The following TRIM44 variants were observed in gnomAD, a reference collection of about 807,000 sequenced individuals.
The protein encoded by TRIM44 is tripartite motif-containing protein 44.
A neutral mutation model predicts 37.4 loss-of-function variants in TRIM44; 13 were observed. That is an observed-to-expected ratio of 0.35 (90% confidence interval 0.23 to 0.55). The LOEUF (loss-of-function observed/expected upper bound fraction) is 0.55. Among genes scored for constraint, TRIM44 ranks in the 20% least tolerant of loss-of-function variants. The probability of loss-of-function intolerance (pLI) is 0.89; values close to 1 mark genes in which losing one functional copy is unlikely to be tolerated. For synonymous variants in TRIM44, 175 were observed against 157.2 expected, an observed-to-expected ratio of 1.11 and a Z score of -0.85; for missense variants, 426 against 437.2, an observed-to-expected ratio of 0.97 and a Z score of 0.23.
intron 4 of TRIM44, among the ~76,000 whole-genome samples, chr11:35,768,175 G>C (rs1249134547): frequency 6.6e-6 from 1 of 152,152 alleles, no homozygotes; most frequent in Non-Finnish European, 1.5e-5. Flanking sequence ...GTTTAACTTG[G>C]ATTCAAACTT....
chr11:35,686,833 T>C (rs1178655500), intron 2 of TRIM44, among the ~76,000 whole-genome samples: 2 of 152,178 alleles, frequency 1.3e-5, no homozygotes, highest in Admixed American at 6.5e-5. Context: ...GCTGGGATTA[T>C]GGGCGTGAGC....
At chr11:35,738,903 A>G (rs1178864689) in intron 4 of TRIM44, among the ~76,000 whole-genome samples, 1 of 152,206 alleles carries the variant, frequency 6.6e-6, no homozygotes, top group East Asian at 1.9e-4. Context: ...CTGCCTACAT[A>G]GAAGTTCAAA....
chr11:35,728,484 G>A (rs749320538), intron 3 of TRIM44, among the ~76,000 whole-genome samples: 8 of 152,168 alleles, frequency 5.3e-5, no homozygotes, highest in Non-Finnish European at 1.2e-4. Context: ...AGCTGACAAG[G>A]CTTAAGGACC....
chr11:35,682,467 C>A (rs955286853), intron 1 of TRIM44, among the ~76,000 whole-genome samples: 1 of 152,120 alleles, frequency 6.6e-6, no homozygotes, highest in Non-Finnish European at 1.5e-5. Context: ...CTGTCAGGGT[C>A]AGGTCTGCCC....
rs993215136 is a variant in TRIM44 at position 35,715,906 on chromosome 11, C to G, written c.748-10018C>G. Among the ~76,000 whole-genome samples, 3 of 152,078 alleles carry G rather than the reference C, an allele frequency of 2.0e-5. No individual in the cohort carries two copies. The East Asian group carries it at 5.8e-4, about 29-fold the overall frequency. ...TTAAACCAGATCTTGTGAGAACTCC[C>G]TCATTATACAGTACCAAGAGGGATG... is the stretch of plus-strand genomic sequence containing the variant. On this transcript the variant is annotated intron_variant, in intron 2 of 4. Transcript: ENST00000299413.
intron 4 of TRIM44, among the ~76,000 whole-genome samples, chr11:35,736,901 T>C (rs1433366069): frequency 6.6e-6 from 1 of 152,196 alleles, no homozygotes. Context: ...TGACCTACTG[T>C]GTGTCTGGCA....
At chr11:35,682,888 A>G (rs1451532266) in intron 1 of TRIM44, among the ~76,000 whole-genome samples, 1 of 152,194 alleles carries the variant, frequency 6.6e-6, no homozygotes, top group Non-Finnish European at 1.5e-5. Flanking sequence ...GTTTTAAGAC[A>G]CAGTTTGGTG....
Position 35,806,630 on chromosome 11 carries a change from A to G in TRIM44, c.*245A>G, listed in dbSNP as rs1462994862. On this transcript the variant is annotated 3_prime_UTR_variant, in exon 5 of 5. Transcript: ENST00000299413. ...GAGCCCCTTTGATCCACCAGGAGCA[A>G]TTAAGAAAGGTCCTTCAGGTAATCC... is the stretch of plus-strand genomic sequence containing the variant. The G allele has an allele frequency of 4.0e-6, 2 of 495,770 alleles. No individual in the cohort carries two copies. The highest frequency in any genetic ancestry group is 7.2e-6 in the Non-Finnish European group (2 of 278,444). The allele number at this position is 495,770 out of a possible 1,614,324, so 30.7% of individuals were successfully genotyped here. A position where few individuals can be genotyped will look rare whatever the true frequency, so the allele number is the denominator to read the frequency against.
At chr11:35,779,675 C>T (rs369794329) in intron 4 of TRIM44, among the ~76,000 whole-genome samples, 68 of 152,006 alleles carry the variant, frequency 4.5e-4, no homozygotes, top group African/African-American at 1.5e-3. Flanking sequence ...TAATTCTTTG[C>T]CAAGACCGAT....
At chr11:35,799,756 A>G (rs1413080630) in intron 4 of TRIM44, among the ~76,000 whole-genome samples, 1 of 152,204 alleles carries the variant, frequency 6.6e-6, no homozygotes, top group Non-Finnish European at 1.5e-5. Flanking sequence ...GTTTATGTAT[A>G]TAGATGTCTT....
At chr11:35,665,951 GT>G (rs1211365544) in intron 1 of TRIM44, among the ~76,000 whole-genome samples, 5 of 151,724 alleles carry the variant, frequency 3.3e-5, no homozygotes, top group African/African-American at 1.2e-4. Context: ...CTTCTATGTG[GT>G]TTTTCTTTTT....
At chr11:35,696,614 C>T (rs924810119) in intron 2 of TRIM44, among the ~76,000 whole-genome samples, 5 of 151,058 alleles carry the variant, frequency 3.3e-5, no homozygotes, top group Non-Finnish European at 5.9e-5. Flanking sequence ...TTTGGGAGGC[C>T]GAGGCGGGTG....
chr11:35,673,469 A>G (rs1358471782), intron 1 of TRIM44, among the ~76,000 whole-genome samples: 2 of 152,350 alleles, frequency 1.3e-5, no homozygotes, highest in African/African-American at 4.8e-5. Context: ...ATGTGTTGTT[A>G]GCATAGATGA....
chr11:35,714,968 CA>C (rs1266627022), intron 2 of TRIM44, among the ~76,000 whole-genome samples: 2 of 152,120 alleles, frequency 1.3e-5, no homozygotes, highest in Non-Finnish European at 2.9e-5. Context: ...AGGGGCCACC[CA>C]GAATTTTTTT....
chr11:35,766,312 A>G (rs1476137184), intron 4 of TRIM44, among the ~76,000 whole-genome samples: 1 of 152,162 alleles, frequency 6.6e-6, no homozygotes, highest in Non-Finnish European at 1.5e-5. Context: ...AGTCAGCTAC[A>G]GTAAAAAAGT....
intron 3 of TRIM44, among the ~76,000 whole-genome samples, chr11:35,732,648 CA>C (rs988665931): frequency 5.3e-5 from 8 of 152,064 alleles, no homozygotes; most frequent in African/African-American, 1.9e-4. Context: ...GCAAACCCTA[CA>C]AATGTGGGAG....
chr11:35,804,739 G>A (rs1853426196), intron 4 of TRIM44, among the ~76,000 whole-genome samples: 1 of 152,126 alleles, frequency 6.6e-6, no homozygotes, highest in Non-Finnish European at 1.5e-5. Context: ...AGCATTTCCA[G>A]CATGCACCCT....
At chr11:35,750,682 G>A (rs1260177526) in intron 4 of TRIM44, among the ~76,000 whole-genome samples, 1 of 152,108 alleles carries the variant, frequency 6.6e-6, no homozygotes, top group Non-Finnish European at 1.5e-5. Context: ...TTCTCCACTA[G>A]ATGTTGGGAC....
chr11:35,773,851 T>C (rs1701739372), intron 4 of TRIM44, among the ~76,000 whole-genome samples: 1 of 152,246 alleles, frequency 6.6e-6, no homozygotes, highest in Admixed American at 6.5e-5. Context: ...TGTGCCACAT[T>C]TTCTTTATTC....
Sources: allele counts gnomAD v4.1 joint callset (sites outside exome capture counted in the v4.1 genomes callset), GRCh38; gene constraint gnomAD v4.1.1; transcripts MANE v1.5; gene names NCBI Gene and HGNC (gene_info 2026-07-23, HGNC 2026-07-21).